The following RFC1 variants were observed in gnomAD, a reference collection of about 807,000 sequenced individuals.
The protein encoded by RFC1 is A1 140 kDa subunit.
RFC1 carries 37 observed loss-of-function variants against 137.4 expected under a neutral mutation model. That is an observed-to-expected ratio of 0.27 (90% CI 0.21 to 0.35). RFC1 has a LOEUF of 0.35. Ranked by LOEUF, RFC1 falls within the 10% of genes least tolerant of loss-of-function variation. The pLI is 1.00. For missense variants in RFC1, 1,205 were observed against 1,358.5 expected (o/e 0.89, Z 1.78); for synonymous variants, 429 against 455.7 (o/e 0.94, Z 0.75).
At chr4:39,351,285 ACTTAT>A in intron 2 of RFC1, 58 bp downstream of exon 2, 68 of 481,046 alleles carry the variant, frequency 1.4e-4, no homozygotes, top group Non-Finnish European at 2.0e-4. Flanking sequence ...AAAAAAAAAA[ACTTAT>A]AAGAACTGAG....
At chr4:39,329,338 C>T (rs953422711) in intron 4 of RFC1, among the ~76,000 whole-genome samples, 6 of 150,804 alleles carry the variant, frequency 4.0e-5, no homozygotes, top group Admixed American at 4.0e-4. Context: ...CCATCTCTAC[C>T]AAAAAAAATT....
In RFC1 at chr4:39,308,796, G is replaced by A. The variant is rs1247012101; in HGVS notation, c.1725C>T (p.Asp575=). The change falls in exon 13 of 25, where the codon GAC becomes GAT. Residue 575 remains aspartate, a synonymous_variant. Transcript: ENST00000349703. ...GDSKARNLAD[D]SSENKVENLL... Reference sequence around the variant, plus strand: ...AATTTTCCACTTTGTTTTCACTGCTGTCATCAGCCAAATTCCTAGCCTTGC... The same window carrying A: ...AATTTTCCACTTTGTTTTCACTGCTATCATCAGCCAAATTCCTAGCCTTGC... The A allele has an allele frequency of 6.2e-7, 1 of 1,614,120 alleles. No homozygotes were observed. Among genetic ancestry groups the A allele is most frequent in the Non-Finnish European group, 8.5e-7 (1 of 1,180,020 alleles).
intron 9 of RFC1, 29 bp from the exon 10 acceptor site, chr4:39,317,051 A>G (rs772746511): frequency 2.8e-6 from 4 of 1,412,166 alleles, no homozygotes; most frequent in African/African-American, 2.8e-5. Flanking sequence ...GAAAATGAAC[A>G]AAGTCATACA....
chr4:39,355,518 C>T (rs1393733105), intron 1 of RFC1, among the ~76,000 whole-genome samples: 1 of 152,030 alleles, frequency 6.6e-6, no homozygotes, highest in Non-Finnish European at 1.5e-5. Flanking sequence ...TAAATAAAAG[C>T]TCCTAATAGG....
At chr4:39,293,953 G>A (rs1336142419) in intron 22 of RFC1, among the ~76,000 whole-genome samples, 2 of 152,170 alleles carry the variant, frequency 1.3e-5, no homozygotes, top group African/African-American at 4.8e-5. Flanking sequence ...GATGGTCCCT[G>A]TCTCTCTTCT....
chr4:39,342,919 C>T (rs1216504541), intron 3 of RFC1, among the ~76,000 whole-genome samples: 1 of 152,218 alleles, frequency 6.6e-6, no homozygotes, highest in Non-Finnish European at 1.5e-5. Context: ...TGCCATCTCC[C>T]GGATCCTCTA....
chr4:39,328,724 A>G (rs1739914943), intron 4 of RFC1, among the ~76,000 whole-genome samples: 1 of 152,204 alleles, frequency 6.6e-6, no homozygotes, highest in Non-Finnish European at 1.5e-5. Context: ...TCTTTATTAT[A>G]GAACGGGAAT....
chr4:39,305,816 G>C (rs900590902), intron 14 of RFC1, among the ~76,000 whole-genome samples: 2 of 152,070 alleles, frequency 1.3e-5, no homozygotes, highest in Admixed American at 6.5e-5. Flanking sequence ...GAGAGAAAAA[G>C]AGTTGTGTTC....
chr4:39,296,938 T>C (rs1389306881), intron 21 of RFC1, among the ~76,000 whole-genome samples: 7 of 151,782 alleles, frequency 4.6e-5, no homozygotes, highest in Middle Eastern at 3.4e-3. Flanking sequence ...TTTTAATGAT[T>C]GCCATTCTAA....
intron 4 of RFC1, among the ~76,000 whole-genome samples, chr4:39,334,000 G>T (rs1740235295): frequency 6.6e-6 from 1 of 151,924 alleles, no homozygotes; most frequent in African/African-American, 2.4e-5. Flanking sequence ...CAGCTCTCTA[G>T]GCCCCTAGGA....
intron 7 of RFC1, 69 bp from the exon 8 acceptor site, chr4:39,321,443 A>C: frequency 2.8e-6 from 4 of 1,411,366 alleles, no homozygotes; most frequent in Non-Finnish European, 3.9e-6. Flanking sequence ...ATCTGTTGTT[A>C]AAATCCATCA....
chr4:39,329,793 G>A (rs1002550465), intron 4 of RFC1, among the ~76,000 whole-genome samples: 2 of 152,058 alleles, frequency 1.3e-5, no homozygotes, highest in Admixed American at 1.3e-4. Context: ...CCAGCACTCC[G>A]GGAGGCCGAG....
chr4:39,296,137 G>A (rs1324953249), intron 21 of RFC1, among the ~76,000 whole-genome samples: 4 of 151,980 alleles, frequency 2.6e-5, no homozygotes, highest in South Asian at 4.1e-4. Context: ...GTAGATTAAA[G>A]CATAGAAAGA....
intron 1 of RFC1, among the ~76,000 whole-genome samples, chr4:39,363,964 C>T (rs1160050220): frequency 6.7e-6 from 1 of 149,276 alleles, no homozygotes; most frequent in African/African-American, 2.5e-5. Context: ...CCTGTAATCT[C>T]AATGCTTTGG....
chr4:39,350,570 A>G (rs144340648), intron 2 of RFC1, among the ~76,000 whole-genome samples: 1 of 152,194 alleles, frequency 6.6e-6, no homozygotes, highest in Non-Finnish European at 1.5e-5. Flanking sequence ...GCCAAAAAAC[A>G]GTGGAACATC....
chr4:39,342,895 G>A (rs750376408), intron 3 of RFC1, among the ~76,000 whole-genome samples: 8 of 152,300 alleles, frequency 5.3e-5, no homozygotes, highest in Middle Eastern at 3.4e-3. Context: ...AACATCAAGC[G>A]AAAGCCCTCA....
At position 39,313,341 on chromosome 4, in the gene RFC1, C is replaced by A. The variant is rs569409329; in HGVS notation, c.1204-410G>T. Among the ~76,000 whole-genome samples the A allele has an allele frequency of 5.9e-5, 9 of 152,304 alleles. No homozygotes were observed. In the East Asian group the frequency reaches 1.5e-3, roughly 26 times the overall value. The stretch of plus-strand genomic sequence containing the variant: ...TGCTTGTTCTTAAGAACTTTCCCAA[C>A]AAGAATTTAATAGAAGCAGGTATAC... On this transcript the variant is annotated intron_variant, in intron 10 of 24. Transcript: ENST00000349703.
intron 14 of RFC1, 89 bp from the exon 15 acceptor site, chr4:39,305,017 G>A: frequency 1.3e-6 from 1 of 776,606 alleles, no homozygotes; most frequent in Non-Finnish European, 2.3e-6. Flanking sequence ...AAGAAAGAAG[G>A]TACAAAATTA....
At chr4:39,298,218 G>A (rs925356501) in intron 21 of RFC1, among the ~76,000 whole-genome samples, 1 of 147,866 alleles carries the variant, frequency 6.8e-6, no homozygotes, top group African/African-American at 2.4e-5. Context: ...TGAGGCGGGA[G>A]GATCACTTGA....
Sources: allele counts gnomAD v4.1 joint callset (sites outside exome capture counted in the v4.1 genomes callset), GRCh38; gene constraint gnomAD v4.1.1; transcripts MANE v1.5; gene names NCBI Gene and HGNC (gene_info 2026-07-23, HGNC 2026-07-21).